DUOX1: variants seen among roughly 807,000 people sequenced by gnomAD.
DUOX1 encodes NADPH thyroid oxidase 1.
In DUOX1, 134 loss-of-function variants were observed where a neutral mutation model predicts 181.8. That is an observed-to-expected ratio of 0.74 (90% CI 0.64 to 0.85). DUOX1 has a LOEUF of 0.85. Among genes scored for constraint, DUOX1 ranks in the 40% least tolerant of loss-of-function variants. The probability of loss-of-function intolerance (pLI) is 0.00; values close to 1 mark genes in which losing one functional copy is unlikely to be tolerated. For missense variants in DUOX1, 1,814 were observed against 2,064.4 expected (o/e 0.88, Z 2.35); for synonymous variants, 798 against 832.5 (o/e 0.96, Z 0.71).
Position 45,135,572 on chromosome 15 carries a change from G to C in DUOX1, c.594G>C (p.Ala198=). ...ALRSFSRGQL[A]SGPDPAFPRD... ...GGAGCTTCTCCAGGGGACAGCTGGC[G>C]TCGGGGCCCGACCCCGCTTTTCCCC... The change falls in exon 6 of 34, where the codon GCG becomes GCC. Residue 198 remains alanine, a synonymous_variant. Coordinates refer to ENST00000389037, the MANE Select transcript of DUOX1 (RefSeq NM_175940.3). 2 of 1,560,596 alleles carry C rather than the reference G, an allele frequency of 1.3e-6. No homozygotes were observed. The highest frequency in any genetic ancestry group is 1.7e-6 in the Non-Finnish European group (2 of 1,153,642).
chr15:45,152,112 G>C, intron 24 of DUOX1, 60 bp downstream of exon 24: 1 of 1,580,398 alleles, frequency 6.3e-7, no homozygotes, highest in Non-Finnish European at 8.6e-7. Context: ...GATCGCCCTG[G>C]GGGTGGGGCC....
In DUOX1 at chr15:45,163,566, A is replaced by C; in HGVS notation, c.4283A>C (p.Gln1428Pro). 1 of 1,614,186 alleles carries C rather than the reference A, an allele frequency of 6.2e-7. No individual in the cohort carries two copies. The highest frequency in any genetic ancestry group is 2.2e-5 in the East Asian group (1 of 44,858). ...ATCTGGGTGACGCGGACCCAGCGTC[A>C]GTTTGAGTGGCTGGCTGACATCATC... ...YFIWVTRTQR[Q>P]FEWLADIIRE... Residue 1428 changes from glutamine to proline, a missense_variant, in exon 32 of 34, where the codon CAG becomes CCG. By Grantham distance (76) the Gln-to-Pro change is moderately conservative. Transcript: ENST00000389037.
chr15:45,153,747 C>T (rs542677234), intron 26 of DUOX1: 6 of 634,714 alleles, frequency 9.5e-6, no homozygotes, highest in African/African-American at 9.1e-5. Flanking sequence ...ATTAGCTGGG[C>T]ATGGTGGTGC....
chr15:45,161,729 C>T lies in DUOX1; in HGVS notation c.3857-9C>T, dbSNP rs748643092. On this transcript the variant is annotated splice_polypyrimidine_tract_variant and intron_variant, in intron 29 of 33. Coordinates refer to ENST00000389037, the MANE Select transcript of DUOX1 (RefSeq NM_175940.3). ...GGGCAGCAGCTTCTCACCCACCATCCCTCCCCAGGAGTGACCCACCTGCGG... is the reference window on the plus strand; with the variant it reads ...GGGCAGCAGCTTCTCACCCACCATCTCTCCCCAGGAGTGACCCACCTGCGG... The T allele has an allele frequency of 3.7e-6, 6 of 1,612,408 alleles. No individual in the cohort carries two copies. Among genetic ancestry groups the T allele is most frequent in the Non-Finnish European group, 5.1e-6 (6 of 1,179,500 alleles).
At chr15:45,162,477 G>A (rs1391102285) in intron 31 of DUOX1, 100 bp downstream of exon 31, 1 of 1,496,380 alleles carries the variant, frequency 6.7e-7, no homozygotes, top group East Asian at 2.3e-5. Context: ...TGGCTTCCCT[G>A]AACTGGGCAG....
At chr15:45,157,236 A>G (rs1896988428) in intron 28 of DUOX1, among the ~76,000 whole-genome samples, 1 of 152,208 alleles carries the variant, frequency 6.6e-6, no homozygotes, top group Non-Finnish European at 1.5e-5. Flanking sequence ...AACTGATGAT[A>G]TGCGTTTCCT....
At position 45,159,243 on chromosome 15, in the gene DUOX1, G is replaced by T. The variant is rs78122780; in HGVS notation, c.3703-1594G>T. Among the ~76,000 whole-genome samples, 1,664 of 152,320 alleles carry T rather than the reference G, an allele frequency of 0.011. 101 individuals are homozygous for T. The East Asian group carries it at 0.2, about 18-fold the overall frequency. On this transcript the variant is annotated intron_variant, in intron 28 of 33. Transcript: ENST00000389037. ...TGAGGGGCTGTGGCTCAGCTGAGAG[G>T]CCATGCCACATGGCGGAGCATAGAA...
chr15:45,161,928 C>A lies in DUOX1; in HGVS notation c.4047C>A (p.Ile1349=). 3 of 1,613,996 alleles carry A rather than the reference C, an allele frequency of 1.9e-6. No individual in the cohort carries two copies. The highest frequency in any genetic ancestry group is 2.5e-6 in the Non-Finnish European group (3 of 1,179,986). The change falls in exon 30 of 34, where the codon ATC becomes ATA. Residue 1349 remains isoleucine, a synonymous_variant. Transcript: ENST00000389037. ...CCTGGACCACTCGCCTCAGGGAGATCTACTCAGCCCCGACGGGTGACAGAT... is the reference window on the plus strand; with the variant it reads ...CCTGGACCACTCGCCTCAGGGAGATATACTCAGCCCCGACGGGTGACAGAT... ...AGPWTTRLRE[I]YSAPTGDRCA... is the part of the protein sequence containing the mutation.
Position 45,154,020 on chromosome 15 carries a change from C to T in DUOX1, c.3574+20C>T. 1.2e-6 allele frequency: 2 copies of T among 1,612,412 alleles called. No homozygotes were observed. Among genetic ancestry groups the T allele is most frequent in the Non-Finnish European group, 1.7e-6 (2 of 1,178,490 alleles). On this transcript the variant is annotated intron_variant, in intron 27 of 33. Transcript: ENST00000389037. ...TACCAGGTGAGAACCCTCCTTGATC[C>T]ATGAATTTCTGGACCTGACTGTGAG...
In DUOX1 at chr15:45,163,620, A is replaced by T. The variant is rs1897158531; in HGVS notation, c.4337A>T (p.Asp1446Val). The T allele has an allele frequency of 6.2e-7, 1 of 1,613,996 alleles. No homozygotes were observed. The highest frequency in any genetic ancestry group is 1.7e-5 in the Admixed American group (1 of 59,998). The change falls in exon 32 of 34, where the codon GAC (aspartate) becomes GTC (valine). Residue 1446 changes from aspartate (D) to valine (V), a missense_variant. This residue lies in a region of DUOX1 where 279 missense variants were observed against 381.9 expected (regional missense o/e 0.73). Transcript: ENST00000389037. ...IREVEENDHQ[D>V]LVSVHIYITQ... ...GAGGTGGAGGAGAATGACCACCAGG[A>T]CCTGGTGTCTGTGCACATCTACATC... is the stretch of plus-strand genomic sequence containing the variant.
At chr15:45,151,672 C>G (rs1302039583) in intron 23 of DUOX1, among the ~76,000 whole-genome samples, 1 of 152,114 alleles carries the variant, frequency 6.6e-6, no homozygotes, top group Non-Finnish European at 1.5e-5. Context: ...CCAAGCCATC[C>G]CTCCACTGCC....
In DUOX1 at chr15:45,131,991, T is replaced by C; in HGVS notation, c.25T>C (p.Trp9Arg). The C allele has an allele frequency of 1.2e-6, 2 of 1,613,980 alleles. No individual in the cohort carries two copies. Among genetic ancestry groups the C allele is most frequent in the Non-Finnish European group, 1.7e-6 (2 of 1,179,954 alleles). MGFCLALA[W>R]TLLVGAWTPL... ...CATGGGCTTCTGCCTGGCTCTAGCA[T>C]GGACACTTCTGGTTGGGGCATGGAC... Residue 9 changes from tryptophan to arginine, a missense_variant, in exon 2 of 34, where the codon TGG becomes CGG. Around this residue, in one of 5 missense-constraint regions of DUOX1, gnomAD observed 320 missense variants for 313.1 expected, o/e 1.02. Transcript: ENST00000389037.
intron 19 of DUOX1, 69 bp from the exon 20 acceptor site, chr15:45,147,835 C>A: frequency 6.5e-7 from 1 of 1,531,272 alleles, no homozygotes; most frequent in Non-Finnish European, 9.0e-7. Context: ...GTGTGAGGCC[C>A]CTTTTGGCCA....
chr15:45,150,747 C>T, intron 22 of DUOX1, 46 bp downstream of exon 22: 1 of 1,576,896 alleles, frequency 6.3e-7, no homozygotes, highest in Non-Finnish European at 8.7e-7. Flanking sequence ...TGGGGAGTTG[C>T]CATTTCTCTC....
chr15:45,133,929 C>G lies in DUOX1; in HGVS notation c.124C>G (p.His42Asp). The change falls in exon 3 of 34, where the codon CAC (histidine) becomes GAC (aspartate). Residue 42 changes from histidine to aspartate, a missense_variant. By Grantham distance (81) the His-to-Asp change is moderately conservative. Around this residue, in one of 5 missense-constraint regions of DUOX1, gnomAD observed 320 missense variants for 313.1 expected, o/e 1.02. Coordinates refer to ENST00000389037, the MANE Select transcript of DUOX1 (RefSeq NM_175940.3). ...FDGWYNNLME[H>D]RWGSKGSRLQ... ...TGGGTGGTACAACAACCTCATGGAG[C>G]ACAGATGGGGCAGCAAAGGTAAGTG... is the stretch of plus-strand genomic sequence containing the variant. 6.2e-7 allele frequency: 1 copy of G among 1,613,928 alleles called. No homozygotes were observed. Among genetic ancestry groups the G allele is most frequent in the Non-Finnish European group, 8.5e-7 (1 of 1,179,924 alleles).
intron 15 of DUOX1, among the ~76,000 whole-genome samples, 173 bp from the exon 16 acceptor site, chr15:45,143,017 C>G (rs1896548173): frequency 6.6e-6 from 1 of 152,124 alleles, no homozygotes; most frequent in Middle Eastern, 3.4e-3. Context: ...CAAAGCTCCC[C>G]ATGGGATGCA....
intron 15 of DUOX1, 92 bp downstream of exon 15, chr15:45,142,204 CCA>C: frequency 2.9e-6 from 4 of 1,395,386 alleles, no homozygotes; most frequent in Non-Finnish European, 4.0e-6. Context: ...ACCACGCAAA[CCA>C]CACAGAGCAT....
intron 25 of DUOX1, 134 bp from the exon 26 acceptor site, chr15:45,153,240 AAAAAAG>A: frequency 4.6e-6 from 2 of 431,004 alleles, no homozygotes; most frequent in East Asian, 3.9e-5. Context: ...AAAAAAAAAA[AAAAAAG>A]AGGTCAGAAG....
At chr15:45,140,538 C>G (rs1595580162) in intron 12 of DUOX1, 1 of 191,758 alleles carries the variant, frequency 5.2e-6, no homozygotes, top group African/African-American at 2.3e-5. Flanking sequence ...AATTTTAGTT[C>G]TAAAGAATAG....
Sources: allele counts gnomAD v4.1 joint callset (sites outside exome capture counted in the v4.1 genomes callset), GRCh38; gene constraint gnomAD v4.1.1; regional missense constraint gnomAD v4.1.1; transcripts MANE v1.5; gene names NCBI Gene and HGNC (gene_info 2026-07-23, HGNC 2026-07-21).